STX3: variants seen among roughly 807,000 people sequenced by gnomAD.
STX3 encodes the protein syntaxin 3.
In STX3, 19 loss-of-function variants were observed where a neutral mutation model predicts 40.2. That is an observed-to-expected ratio of 0.47 (90% confidence interval 0.33 to 0.69). The LOEUF (loss-of-function observed/expected upper bound fraction) is 0.69. Among genes scored for constraint, STX3 ranks in the 30% least tolerant of loss-of-function variants. STX3 has a pLI of 0.02. For synonymous variants in STX3, 122 were observed against 132.2 expected (o/e 0.92, Z 0.53); for missense variants, 364 against 366.7 (o/e 0.99, Z 0.06).
At chr11:59,774,047 T>G (rs1185628846) in intron 2 of STX3, among the ~76,000 whole-genome samples, 1 of 151,396 alleles carries the variant, frequency 6.6e-6, no homozygotes, top group African/African-American at 2.4e-5. Context: ...GAAACCAAAC[T>G]GCCAGTTTAG....
At chr11:59,762,492 T>G (rs1033404939) in intron 1 of STX3, among the ~76,000 whole-genome samples, 3 of 152,186 alleles carry the variant, frequency 2.0e-5, no homozygotes, top group African/African-American at 7.2e-5. Context: ...TCAGCACATG[T>G]TGAGTGTTTA....
intron 2 of STX3, among the ~76,000 whole-genome samples, chr11:59,774,922 AAAAAAC>A (rs1294352479): frequency 3.2e-4 from 49 of 152,364 alleles, no homozygotes; most frequent in South Asian, 1.2e-3. Flanking sequence ...ATGATAATTC[AAAAAAC>A]AAAAACAAAA....
rs778016966 is a variant in STX3, at chr11:59,793,164, A to G, written c.532A>G (p.Thr178Ala). The G allele has an allele frequency of 2.0e-5, 32 of 1,613,162 alleles. No homozygotes were observed. In the South Asian group the frequency reaches 3.1e-4, roughly 16 times the overall value. ...MLESGNPAIF[T>A]SGIIDSQISK... ...GGAGAGTGGCAACCCGGCCATCTTC[A>G]CTTCTGGGGTGAGTGCCCTGTGTGC... The change falls in exon 7 of 11, where the codon ACT becomes GCT. Residue 178 changes from threonine to alanine, a missense_variant. Transcript: ENST00000337979.
rs527696545 is a variant in STX3 at position 59,759,951 on chromosome 11, C to T, written c.30+4316C>T. Among the ~76,000 whole-genome samples, 19 of 152,324 alleles carry T rather than the reference C, an allele frequency of 1.2e-4. No individual in the cohort carries two copies. The South Asian group carries it at 3.9e-3, about 32-fold the overall frequency. ...CTGAACCTTAACATACCAATCTGCG[C>T]TTCACTGAGATTCTGTCTTTCTCTA... On this transcript the variant is annotated intron_variant, in intron 1 of 10. Coordinates refer to ENST00000337979, the MANE Select transcript of STX3 (RefSeq NM_004177.5).
At chr11:59,761,604 C>T (rs1190828428) in intron 1 of STX3, among the ~76,000 whole-genome samples, 1 of 152,184 alleles carries the variant, frequency 6.6e-6, no homozygotes, top group South Asian at 2.1e-4. Flanking sequence ...CCTCCAGCCA[C>T]CTTTATGTTA....
rs911417277 is a variant in STX3 at position 59,755,389 on chromosome 11, G to T, written c.-217G>T. The T allele has an allele frequency of 5.3e-6, 2 of 379,086 alleles. No homozygotes were observed. The highest frequency in any genetic ancestry group is 9.0e-6 in the Non-Finnish European group (2 of 223,392). The allele number at this position is 379,086 out of a possible 1,614,324, so 23.5% of individuals were successfully genotyped here. On this transcript the variant is annotated 5_prime_UTR_variant, in exon 1 of 11. Coordinates refer to ENST00000337979, the MANE Select transcript of STX3 (RefSeq NM_004177.5). ...GGCCCGGGAGCCGGATTTGGAGCGCGAGGCGCCGGTGGGGGCGGAGGGGGC... is the reference window on the plus strand; with the variant it reads ...GGCCCGGGAGCCGGATTTGGAGCGCTAGGCGCCGGTGGGGGCGGAGGGGGC...
chr11:59,756,645 C>T (rs1862731375), intron 1 of STX3, among the ~76,000 whole-genome samples: 1 of 152,182 alleles, frequency 6.6e-6, no homozygotes, highest in Non-Finnish European at 1.5e-5. Flanking sequence ...TTCATGGGCA[C>T]ATTACAGTTT....
At chr11:59,778,003 C>T (rs1001597162) in intron 2 of STX3, among the ~76,000 whole-genome samples, 1 of 152,276 alleles carries the variant, frequency 6.6e-6, no homozygotes, top group South Asian at 2.1e-4. Context: ...GACTGTCAGT[C>T]AGAGCACCTA....
chr11:59,800,200 T>A (rs761153191), intron 10 of STX3: 75 of 985,354 alleles, frequency 7.6e-5, no homozygotes, highest in Non-Finnish European at 8.9e-5. Context: ...CAAGACTGAT[T>A]GTTGCCTAGG....
At chr11:59,756,150 C>T (rs926347122) in intron 1 of STX3, among the ~76,000 whole-genome samples, 6 of 151,816 alleles carry the variant, frequency 4.0e-5, no homozygotes, top group Admixed American at 1.3e-4. Context: ...AATTGTTATC[C>T]CCGGGTGTCA....
At chr11:59,781,512 C>T (rs1239733274) in intron 2 of STX3, 60 of 1,613,766 alleles carry the variant, frequency 3.7e-5, no homozygotes, top group Non-Finnish European at 4.8e-5. Flanking sequence ...AAACTTCTCT[C>T]CCAGGGTACA....
intron 9 of STX3, among the ~76,000 whole-genome samples, chr11:59,796,430 ATTG>A (rs768260750): frequency 3.9e-5 from 6 of 151,974 alleles, no homozygotes; most frequent in Non-Finnish European, 7.4e-5. Context: ...GGGCTCTGAT[ATTG>A]TTGTTGTTTA....
intron 2 of STX3, chr11:59,781,629 G>A (rs1864388592): frequency 1.2e-6 from 2 of 1,613,432 alleles, no homozygotes; most frequent in Admixed American, 3.3e-5. Context: ...TTTTCGCAAA[G>A]CTATTCCCAC....
rs915667541 is a variant in STX3 at position 59,803,167 on chromosome 11, T to A, written c.*2343T>A. ...GCACTTATCTCCCTGCAGAATACTT[T>A]TTGCGATGATGTTTCTCATGTATTC... On this transcript the variant is annotated 3_prime_UTR_variant, in exon 11 of 11. Coordinates refer to ENST00000337979, the MANE Select transcript of STX3 (RefSeq NM_004177.5). 19 of 1,231,432 alleles carry A rather than the reference T, an allele frequency of 1.5e-5. No homozygotes were observed. The highest frequency in any genetic ancestry group is 4.0e-6 in the Non-Finnish European group (4 of 987,868). 76.3% of individuals were successfully genotyped at this position (1,231,432 alleles called of 1,614,324 possible).
Position 59,787,030 on chromosome 11 carries a change from AT to A in STX3, c.115-5del. 1 of 1,612,712 alleles carries A rather than the reference AT, an allele frequency of 6.2e-7. No homozygotes were observed. Among genetic ancestry groups the A allele is most frequent in the Non-Finnish European group, 8.5e-7 (1 of 1,178,804 alleles). The stretch of plus-strand genomic sequence containing the variant: ...GATGATGAAGGTTATTGTCTTTCTG[AT>A]TATAGATTGAGGAAACTCGGCTTAA... On this transcript the variant is annotated splice_polypyrimidine_tract_variant and splice_region_variant and intron_variant, in intron 2 of 10. Transcript: ENST00000337979.
At position 59,790,501 on chromosome 11, in the gene STX3, C is replaced by G. The variant is rs952810497; in HGVS notation, c.290-18C>G. On this transcript the variant is annotated intron_variant, in intron 4 of 10. Coordinates refer to ENST00000337979, the MANE Select transcript of STX3 (RefSeq NM_004177.5). ...AGGCGGAGATAGGTTGCAAGTATAACCTTCCTCTCCTCTTTAGGCATGGAG... is the reference window on the plus strand; with the variant it reads ...AGGCGGAGATAGGTTGCAAGTATAAGCTTCCTCTCCTCTTTAGGCATGGAG... 1 of 1,605,118 alleles carries G rather than the reference C, an allele frequency of 6.2e-7. No homozygotes were observed. The highest frequency in any genetic ancestry group is 8.5e-7 in the Non-Finnish European group (1 of 1,171,926).
chr11:59,782,143 A>G (rs962274854), intron 2 of STX3, among the ~76,000 whole-genome samples: 7 of 152,224 alleles, frequency 4.6e-5, no homozygotes, highest in Admixed American at 2.0e-4. Context: ...AATTAGGTCC[A>G]GAAGGAAGAG....
intron 1 of STX3, among the ~76,000 whole-genome samples, chr11:59,763,576 A>T (rs1030922687): frequency 6.6e-6 from 1 of 152,230 alleles, no homozygotes; most frequent in Admixed American, 6.5e-5. Context: ...AATAAAAGTC[A>T]TATAGGCCGT....
At chr11:59,765,938 A>G (rs914441802) in intron 1 of STX3, among the ~76,000 whole-genome samples, 2 of 152,216 alleles carry the variant, frequency 1.3e-5, no homozygotes, top group African/African-American at 2.4e-5. Context: ...TTAAATTTGG[A>G]GAAGAGAAGG....
Sources: gnomAD v4.1 joint callset for allele counts (sites outside exome capture counted in the v4.1 genomes callset) on GRCh38, gnomAD v4.1.1 for gene constraint, MANE v1.5 for transcripts, NCBI Gene and HGNC (gene_info 2026-07-23, HGNC 2026-07-21) for gene names.